RNLS: variants seen among roughly 807,000 people sequenced by gnomAD.
The protein encoded by RNLS is renalase.
A neutral mutation model predicts 39.8 loss-of-function variants in RNLS; 39 were observed. The observed-to-expected ratio is 0.98, with a 90% confidence interval of 0.76 to 1.28. RNLS has a LOEUF of 1.28. RNLS is among the 50% of genes most tolerant of loss of function. RNLS has a pLI of 0.00. For synonymous variants in RNLS, 147 were observed against 150.7 expected (o/e 0.98, Z 0.18); for missense variants, 410 against 413.3 (o/e 0.99, Z 0.07).
At chr10:88,527,946 AT>A (rs1474360707) in intron 4 of RNLS, among the ~76,000 whole-genome samples, 2 of 152,122 alleles carry the variant, frequency 1.3e-5, no homozygotes, top group East Asian at 1.9e-4. Context: ...ATAAAAAAAA[AT>A]CATAAAAGAA....
chr10:88,328,104 C>T (rs940886926), intron 5 of RNLS, among the ~76,000 whole-genome samples: 7 of 152,130 alleles, frequency 4.6e-5, no homozygotes, highest in Admixed American at 2.6e-4. Flanking sequence ...GACAGGGTTT[C>T]GCCATGTTGG....
At chr10:88,530,148 G>A (rs1402654483) in intron 4 of RNLS, among the ~76,000 whole-genome samples, 1 of 152,148 alleles carries the variant, frequency 6.6e-6, no homozygotes, top group Non-Finnish European at 1.5e-5. Context: ...TAAGGCAAGT[G>A]ACTTTATCTC....
At chr10:88,294,548 T>C (rs1434658636) in intron 6 of RNLS, among the ~76,000 whole-genome samples, 2 of 152,162 alleles carry the variant, frequency 1.3e-5, no homozygotes, top group Non-Finnish European at 2.9e-5. Context: ...AACGTTCTCC[T>C]ATTTTTAAAA....
intron 4 of RNLS, among the ~76,000 whole-genome samples, chr10:88,364,549 G>A (rs1450004900): frequency 6.6e-6 from 1 of 152,094 alleles, no homozygotes; most frequent in East Asian, 1.9e-4. Flanking sequence ...CCATATTAGA[G>A]TTACACATAT....
intron 3 of RNLS, among the ~76,000 whole-genome samples, chr10:88,573,459 C>T (rs894494267): frequency 3.9e-5 from 6 of 152,164 alleles, no homozygotes; most frequent in Non-Finnish European, 8.8e-5. Flanking sequence ...CTCTAAAGCT[C>T]ATCATTTTTG....
At chr10:88,295,901 A>C (rs1462899984) in intron 6 of RNLS, among the ~76,000 whole-genome samples, 1 of 152,196 alleles carries the variant, frequency 6.6e-6, no homozygotes, top group Non-Finnish European at 1.5e-5. Context: ...TCTTTTGACG[A>C]GGACTTGTTC....
At chr10:88,476,381 T>C (rs1843824379) in intron 4 of RNLS, among the ~76,000 whole-genome samples, 1 of 152,176 alleles carries the variant, frequency 6.6e-6, no homozygotes. Context: ...TCTAATCCAT[T>C]GTAAACTAAT....
At chr10:88,513,494 T>A (rs1460305883) in intron 4 of RNLS, among the ~76,000 whole-genome samples, 1 of 152,142 alleles carries the variant, frequency 6.6e-6, no homozygotes, top group African/African-American at 2.4e-5. Context: ...ATAAATAATA[T>A]TTTAGTATTA....
chr10:88,303,457 C>T (rs1050124063), intron 6 of RNLS, among the ~76,000 whole-genome samples: 1 of 152,206 alleles, frequency 6.6e-6, no homozygotes, highest in African/African-American at 2.4e-5. Flanking sequence ...TGCGGCCCTA[C>T]ACTATAGCTT....
the RNLS span, among the ~76,000 whole-genome samples, chr10:88,234,984 G>A: frequency 7.2e-5 from 11 of 152,056 alleles, no homozygotes; most frequent in Middle Eastern, 3.4e-3. Context: ...AACATGGGCC[G>A]GGCGCGGTGG....
chr10:88,326,974 A>G (rs1729778103), intron 5 of RNLS, among the ~76,000 whole-genome samples: 1 of 152,194 alleles, frequency 6.6e-6, no homozygotes, highest in Non-Finnish European at 1.5e-5. Context: ...TTAGACTTGC[A>G]TGGGGACTGT....
chr10:88,579,027 G>C (rs1850371044), intron 3 of RNLS, among the ~76,000 whole-genome samples: 1 of 152,128 alleles, frequency 6.6e-6, no homozygotes, highest in Non-Finnish European at 1.5e-5. Context: ...ATACTAATAT[G>C]AGAAAAAGCA....
At chr10:88,492,427 T>C (rs1325779163) in intron 4 of RNLS, among the ~76,000 whole-genome samples, 1 of 150,110 alleles carries the variant, frequency 6.7e-6, no homozygotes, top group African/African-American at 2.4e-5. Context: ...TTTTCTTTTT[T>C]TTTTTTTTTG....
At chr10:88,322,220 T>A (rs1479429595) in intron 5 of RNLS, among the ~76,000 whole-genome samples, 2 of 152,148 alleles carry the variant, frequency 1.3e-5, no homozygotes, top group Non-Finnish European at 2.9e-5. Context: ...ATGCATTCAA[T>A]AAAATCCAAC....
chr10:88,545,458 T>C (rs777287910), intron 4 of RNLS: 13 of 456,288 alleles, frequency 2.8e-5, no homozygotes, highest in South Asian at 1.5e-4. Context: ...ATGACTTACG[T>C]GGTGGCAGGC....
At chr10:88,279,093 G>T (rs1842918017) in intron 6 of RNLS, among the ~76,000 whole-genome samples, 1 of 152,274 alleles carries the variant, frequency 6.6e-6, no homozygotes, top group Admixed American at 6.5e-5. Flanking sequence ...GGAGAACACA[G>T]TGCCATGCAA....
chr10:88,372,268 G>A (rs1194215028), intron 4 of RNLS, among the ~76,000 whole-genome samples: 1 of 151,992 alleles, frequency 6.6e-6, no homozygotes, highest in Non-Finnish European at 1.5e-5. Context: ...ATCAGGGAGC[G>A]TTTTCTAATC....
intron 4 of RNLS, among the ~76,000 whole-genome samples, chr10:88,541,624 G>T (rs1477702077): frequency 6.6e-6 from 1 of 152,150 alleles, no homozygotes; most frequent in Non-Finnish European, 1.5e-5. Context: ...AGGGTGAAAA[G>T]ATTATGTTTT....
intron 4 of RNLS, among the ~76,000 whole-genome samples, chr10:88,548,295 A>T (rs1259229611): frequency 7.4e-6 from 1 of 135,430 alleles, no homozygotes; most frequent in Non-Finnish European, 1.6e-5. Flanking sequence ...AAAAAAAAAG[A>T]AAAGAAAAAA....
Sources: allele counts gnomAD v4.1 joint callset (sites outside exome capture counted in the v4.1 genomes callset), GRCh38; gene constraint gnomAD v4.1.1; transcripts MANE v1.5; gene names NCBI Gene and HGNC (gene_info 2026-07-23, HGNC 2026-07-21).